The following WDR72 variants were observed in gnomAD, a reference collection of about 807,000 sequenced individuals.
WDR72 encodes WD repeat-containing protein 72.
A neutral mutation model predicts 124.2 loss-of-function variants in WDR72; 120 were observed. That is an observed-to-expected ratio of 0.97 (90% CI 0.83 to 1.12). WDR72 has a LOEUF of 1.12. Ranked by LOEUF, WDR72 falls within the 50% of genes most tolerant of loss-of-function variation. WDR72 has a pLI of 0.00. For synonymous variants in WDR72, 452 were observed against 441.7 expected, an observed-to-expected ratio of 1.02 and a Z score of -0.29; for missense variants, 1,387 against 1,278.8, an observed-to-expected ratio of 1.08 and a Z score of -1.29.
chr15:53,580,772 G>T (rs1360663737), intron 18 of WDR72, among the ~76,000 whole-genome samples: 1 of 151,842 alleles, frequency 6.6e-6, no homozygotes, highest in Non-Finnish European at 1.5e-5. Flanking sequence ...GGTAATTATG[G>T]CAAGTATTTA....
chr15:53,729,525 G>A (rs974098323), intron 2 of WDR72, among the ~76,000 whole-genome samples: 2 of 151,122 alleles, frequency 1.3e-5, no homozygotes, highest in Non-Finnish European at 1.5e-5. Context: ...CCCTCAGCCT[G>A]TGGGATTCCA....
chr15:53,597,056 A>G, intron 18 of WDR72, 23 bp downstream of exon 18: 2 of 1,610,810 alleles, frequency 1.2e-6, no homozygotes. Flanking sequence ...TTGAAAGAGT[A>G]TACCAATAAA....
intron 17 of WDR72, 41 bp downstream of exon 17, chr15:53,609,472 G>T (rs367741929): frequency 2.5e-4 from 390 of 1,548,640 alleles, no homozygotes; most frequent in Non-Finnish European, 3.3e-4. Context: ...CAGCAGCAAG[G>T]AACTCTTCTA....
chr15:53,706,094 T>C lies in WDR72; in HGVS notation c.955-20A>G, dbSNP rs769519119. On this transcript the variant is annotated intron_variant, in intron 9 of 19. Coordinates refer to ENST00000360509, the MANE Select transcript of WDR72 (RefSeq NM_182758.4). Reference sequence around the variant, plus strand: ...CTGTTCCTAAACAAAAAGTGAGCTTTTATGTAGGAAATATTCTAACTAGAG... The same window carrying C: ...CTGTTCCTAAACAAAAAGTGAGCTTCTATGTAGGAAATATTCTAACTAGAG... 8.7e-6 allele frequency: 14 copies of C among 1,613,420 alleles called. No homozygotes were observed. In the African/African-American group the frequency reaches 1.2e-4, roughly 14 times the overall value.
intron 18 of WDR72, among the ~76,000 whole-genome samples, chr15:53,594,684 C>A (rs1450320215): frequency 6.7e-6 from 1 of 150,072 alleles, no homozygotes; most frequent in African/African-American, 2.5e-5. Flanking sequence ...CCCAGCTACT[C>A]AAGAAGCTGA....
At chr15:53,691,238 A>G (rs1398381925) in intron 13 of WDR72, among the ~76,000 whole-genome samples, 1 of 152,008 alleles carries the variant, frequency 6.6e-6, no homozygotes, top group Non-Finnish European at 1.5e-5. Flanking sequence ...TTTTATAGAG[A>G]TGGGATCACA....
Position 53,710,962 on chromosome 15 carries a change from C to A in WDR72, c.858-9G>T, listed in dbSNP as rs756939761. On this transcript the variant is annotated splice_polypyrimidine_tract_variant and intron_variant, in intron 8 of 19. Transcript: ENST00000360509. ...TGCTTTTTGAAAGCCCACTGCGTGG[C>A]AAAAATAAAAAGCAAAGTTTAGAAC... 1.9e-6 allele frequency: 3 copies of A among 1,610,100 alleles called. No individual in the cohort carries two copies. In the South Asian group the frequency reaches 3.3e-5, roughly 18 times the overall value.
chr15:53,622,853 G>A (rs1017650014), intron 14 of WDR72, among the ~76,000 whole-genome samples: 1 of 152,078 alleles, frequency 6.6e-6, no homozygotes, highest in African/African-American at 2.4e-5. Context: ...GATATGACTA[G>A]CCAAATATTT....
chr15:53,758,090 C>G lies in WDR72; in HGVS notation c.-13+1543G>C, dbSNP rs1173351151. On this transcript the variant is annotated intron_variant, in intron 1 of 19. Transcript: ENST00000360509. ...ATGCAATCATGGCTCACTGCAATCT[C>G]GACCTCTCAGGCTCAAGTCATCCAA... is the stretch of plus-strand genomic sequence containing the variant. 2.0e-5 allele frequency among the ~76,000 whole-genome samples: 3 copies of G among 152,138 alleles called. No homozygotes were observed. In the South Asian group the frequency reaches 6.2e-4, roughly 32 times the overall value.
At chr15:53,716,324 G>T (rs1446585363) in intron 4 of WDR72, among the ~76,000 whole-genome samples, 6 of 152,166 alleles carry the variant, frequency 3.9e-5, no homozygotes, top group Non-Finnish European at 8.8e-5. Context: ...ACAAGTATGT[G>T]TATGTTTTGT....
chr15:53,718,782 T>TCTTAAGATTTTTAAAAATTTTAAAAAC (rs1348214872), intron 3 of WDR72, among the ~76,000 whole-genome samples: 4,525 of 113,770 alleles, frequency 0.04, 344 homozygotes, highest in African/African-American at 0.12. Context: ...ATTTTAAAAA[T>TCTTAAGATTTTTAAAAATTTTAAAAAC]CTTAAGATTT....
chr15:53,668,959 GAGA>G (rs71132746), intron 13 of WDR72, among the ~76,000 whole-genome samples: 8 of 22,598 alleles, frequency 3.5e-4, no homozygotes, highest in Admixed American at 1.7e-3. Context: ...GGAGGAGGAG[GAGA>G]AGGAGGAGGA....
intron 17 of WDR72, among the ~76,000 whole-genome samples, chr15:53,606,238 T>C (rs1036525155): frequency 1.3e-5 from 2 of 152,214 alleles, no homozygotes; most frequent in African/African-American, 4.8e-5. Context: ...AATGTTCTGC[T>C]GAATCCTTCT....
At chr15:53,731,612 C>T (rs1389126112) in intron 2 of WDR72, among the ~76,000 whole-genome samples, 1 of 151,204 alleles carries the variant, frequency 6.6e-6, no homozygotes, top group Non-Finnish European at 1.5e-5. Flanking sequence ...TGAATCCAAG[C>T]AGAAGACTTG....
intron 3 of WDR72, among the ~76,000 whole-genome samples, chr15:53,720,006 C>T (rs1280860633): frequency 2.6e-5 from 4 of 151,882 alleles, no homozygotes; most frequent in African/African-American, 9.7e-5. Flanking sequence ...GTCATACCAA[C>T]CTTATTTTGA....
intron 2 of WDR72, among the ~76,000 whole-genome samples, chr15:53,725,895 G>A (rs1393498922): frequency 2.6e-5 from 4 of 151,828 alleles, no homozygotes; most frequent in Non-Finnish European, 5.9e-5. Context: ...CTAACAGGAC[G>A]AACCTCGTAT....
chr15:53,736,699 G>T (rs192435674), intron 1 of WDR72, among the ~76,000 whole-genome samples: 1 of 152,132 alleles, frequency 6.6e-6, no homozygotes, highest in Non-Finnish European at 1.5e-5. Context: ...TGTAGTAAAG[G>T]AATACAGGGA....
chr15:53,543,351 C>T (rs1278290094), intron 18 of WDR72, among the ~76,000 whole-genome samples: 8 of 151,866 alleles, frequency 5.3e-5, no homozygotes, highest in Non-Finnish European at 7.4e-5. Context: ...CACTCAAAAC[C>T]GCTCAACTAC....
intron 14 of WDR72, chr15:53,652,257 GGAA>G (rs1487447358): frequency 5.3e-5 from 8 of 152,076 alleles, no homozygotes; most frequent in African/African-American, 1.9e-4. Flanking sequence ...TCAGAGAAAA[GGAA>G]GAAGAACAAA....
Sources: allele counts gnomAD v4.1 joint callset (sites outside exome capture counted in the v4.1 genomes callset), GRCh38; gene constraint gnomAD v4.1.1; transcripts MANE v1.5; gene names NCBI Gene and HGNC (gene_info 2026-07-23, HGNC 2026-07-21).